The following LRBA variants were observed in gnomAD, a reference collection of about 807,000 sequenced individuals.
LRBA encodes LPS responsive beige-like anchor protein.
Under a neutral mutation model 330.0 loss-of-function variants are expected in LRBA, and 176 were observed. The ratio of observed to expected loss-of-function variants is 0.53; its 90% confidence interval spans 0.47 to 0.60. The LOEUF (loss-of-function observed/expected upper bound fraction) is 0.60. Among genes scored for constraint, LRBA ranks in the 20% least tolerant of loss-of-function variants. LRBA has a pLI of 0.00. For missense variants in LRBA, 3,259 were observed against 3,444.8 expected (o/e 0.95, Z 1.35); for synonymous variants, 1,230 against 1,193.0 (o/e 1.03, Z -0.64).
chr4:150,458,971 T>C (rs183366538), intron 44 of LRBA, among the ~76,000 whole-genome samples: 39 of 152,070 alleles, frequency 2.6e-4, no homozygotes, highest in Non-Finnish European at 7.4e-5. Flanking sequence ...ACTGAGCATA[T>C]AGACCATAAG....
At chr4:150,998,454 C>T (rs1742949745) in intron 2 of LRBA, among the ~76,000 whole-genome samples, 1 of 151,984 alleles carries the variant, frequency 6.6e-6, no homozygotes. Flanking sequence ...CCTGGGCTCA[C>T]GTGATCCTGC....
At chr4:150,599,154 CAT>C in intron 37 of LRBA, 23 bp from the exon 38 acceptor site, 2 of 1,612,656 alleles carry the variant, frequency 1.2e-6, no homozygotes, top group South Asian at 1.1e-5. Context: ...AGAGAAGCCA[CAT>C]ATGTTAGCAA....
chr4:150,756,552 G>A (rs1356468349), intron 35 of LRBA, among the ~76,000 whole-genome samples: 1 of 152,178 alleles, frequency 6.6e-6, no homozygotes, highest in African/African-American at 2.4e-5. Context: ...GTTATGGAAT[G>A]TAATTAAATA....
At chr4:150,495,272 A>T (rs1759456401) in intron 40 of LRBA, among the ~76,000 whole-genome samples, 1 of 152,160 alleles carries the variant, frequency 6.6e-6, no homozygotes, top group African/African-American at 2.4e-5. Flanking sequence ...AACATACCAC[A>T]TCACTTTGTA....
At chr4:150,638,597 A>T (rs958040043) in intron 37 of LRBA, among the ~76,000 whole-genome samples, 2 of 151,854 alleles carry the variant, frequency 1.3e-5, no homozygotes, top group African/African-American at 4.8e-5. Flanking sequence ...AAAACACATG[A>T]AAAAATGCTC....
intron 35 of LRBA, among the ~76,000 whole-genome samples, chr4:150,737,455 G>A (rs1313281000): frequency 4.0e-5 from 6 of 151,424 alleles, no homozygotes; most frequent in South Asian, 2.1e-4. Flanking sequence ...GCGAGACTCC[G>A]ACAGAACGAA....
chr4:150,951,847 T>C (rs1225244833), intron 2 of LRBA, among the ~76,000 whole-genome samples: 3 of 152,210 alleles, frequency 2.0e-5, no homozygotes, highest in Non-Finnish European at 4.4e-5. Context: ...GATTTTTAAT[T>C]CTTCATAAAG....
chr4:150,796,604 A>G (rs1019254948), intron 34 of LRBA, among the ~76,000 whole-genome samples: 2 of 151,968 alleles, frequency 1.3e-5, no homozygotes, highest in East Asian at 3.8e-4. Context: ...ATAAATAGGC[A>G]TATTAAAACA....
intron 22 of LRBA, among the ~76,000 whole-genome samples, chr4:150,853,245 A>G (rs1750825663): frequency 6.6e-6 from 1 of 152,220 alleles, no homozygotes. Flanking sequence ...ACTGGCCACC[A>G]TAACTTGTAC....
At chr4:150,792,914 C>G (rs968102052) in intron 34 of LRBA, among the ~76,000 whole-genome samples, 3 of 152,072 alleles carry the variant, frequency 2.0e-5, no homozygotes, top group African/African-American at 7.2e-5. Context: ...AACCCCGTCT[C>G]TAATAAAAAT....
intron 17 of LRBA, among the ~76,000 whole-genome samples, chr4:150,876,452 G>T (rs558202311): frequency 3.3e-5 from 5 of 151,614 alleles, no homozygotes; most frequent in African/African-American, 1.2e-4. Flanking sequence ...AATCTTAAAG[G>T]TAGCCAGAGA....
intron 17 of LRBA, 70 bp from the exon 18 acceptor site, chr4:150,872,825 AC>A (rs1174556030): frequency 1.5e-6 from 1 of 670,036 alleles, no homozygotes; most frequent in Non-Finnish European, 2.5e-6. Context: ...TAAAATATAT[AC>A]TTTTCATATT....
chr4:150,768,911 T>TATC, intron 34 of LRBA, among the ~76,000 whole-genome samples: 1 of 149,738 alleles, frequency 6.7e-6, no homozygotes, highest in South Asian at 2.1e-4. Context: ...ATAGGGATTT[T>TATC]ATCAAGTGCT....
intron 40 of LRBA, among the ~76,000 whole-genome samples, chr4:150,502,600 C>T (rs1760425348): frequency 6.6e-6 from 1 of 152,194 alleles, no homozygotes; most frequent in South Asian, 2.1e-4. Context: ...ATAGGAACAG[C>T]TCCAGTCTAC....
At chr4:150,731,100 C>G (rs1298691411) in intron 36 of LRBA, among the ~76,000 whole-genome samples, 1 of 152,182 alleles carries the variant, frequency 6.6e-6, no homozygotes, top group Admixed American at 6.6e-5. Flanking sequence ...GATATCATCT[C>G]ACTCGAGTTA....
At chr4:150,581,493 G>A in intron 40 of LRBA, 1 of 276,044 alleles carries the variant, frequency 3.6e-6, no homozygotes, top group Non-Finnish European at 7.3e-6. Flanking sequence ...TCAAGCCAAA[G>A]TAATTTTGTT....
Position 150,805,604 on chromosome 4 carries a change from A to AGG in LRBA, c.5518+666_5518+667insCC, listed in dbSNP as rs1254199712. On this transcript the variant is annotated intron_variant, in intron 33 of 56. Coordinates refer to ENST00000651943, the MANE Select transcript of LRBA (RefSeq NM_001364905.1). ...AGGAAAGGAAAGGAAAGGAAAGGAA[A>AGG]AGAAAGGAAAGGAAAGGAAAGGAGA... 2.5e-4 allele frequency among the ~76,000 whole-genome samples: 34 copies of AGG among 135,684 alleles called. 1 individual carries two copies. Among genetic ancestry groups the AGG allele is most frequent in the African/African-American group, 7.3e-4 (23 of 31,458 alleles). The allele number at this position is 135,684 out of a possible 152,430, so 89.0% of individuals were successfully genotyped here. A position where few individuals can be genotyped will look rare whatever the true frequency, so the allele number is the denominator to read the frequency against.
intron 47 of LRBA, among the ~76,000 whole-genome samples, chr4:150,373,124 CGTGTGTGTGTGTGTGT>C (rs70937397): frequency 6.1e-4 from 59 of 96,366 alleles, no homozygotes; most frequent in African/African-American, 1.4e-3. Context: ...ACTACAATCT[CGTGTGTGTGTGTGTGT>C]GTGTGTGTGT....
In LRBA at chr4:150,395,833, G is replaced by A. The variant is rs550941957; in HGVS notation, c.7194+19605C>T. Among the ~76,000 whole-genome samples the A allele has an allele frequency of 3.9e-5, 6 of 152,124 alleles. 1 individual carries two copies. Among genetic ancestry groups the A allele is most frequent in the Middle Eastern group, 6.8e-3 (2 of 294 alleles). ...TGTCAAATATCAGTGTCTGGGAAAG[G>A]TTTGAGTGAACATTTTTAATCAATT... On this transcript the variant is annotated intron_variant, in intron 47 of 56. Transcript: ENST00000651943.
Sources: allele counts gnomAD v4.1 joint callset (sites outside exome capture counted in the v4.1 genomes callset), GRCh38; gene constraint gnomAD v4.1.1; transcripts MANE v1.5; gene names NCBI Gene and HGNC (gene_info 2026-07-23, HGNC 2026-07-21).